MYO18B: variants seen among roughly 807,000 people sequenced by gnomAD.
MYO18B encodes the protein unconventional myosin-XVIIIb.
A neutral mutation model predicts 273.0 loss-of-function variants in MYO18B; 204 were observed. The ratio of observed to expected loss-of-function variants is 0.75; its 90% CI spans 0.67 to 0.84. The LOEUF is 0.84. Among genes scored for constraint, MYO18B ranks in the 40% least tolerant of loss-of-function variants. The probability of loss-of-function intolerance (pLI) is 0.00; values close to 1 mark genes in which losing one functional copy is unlikely to be tolerated. For synonymous variants in MYO18B, 1,330 were observed against 1,305.7 expected (o/e 1.02, Z -0.40); for missense variants, 3,212 against 3,287.6 (o/e 0.98, Z 0.56).
intron 39 of MYO18B, among the ~76,000 whole-genome samples, chr22:25,982,303 C>T (rs2093157098): frequency 6.6e-6 from 1 of 152,164 alleles, no homozygotes; most frequent in African/African-American, 2.4e-5. Flanking sequence ...GTGAGGCCTC[C>T]AGCCAGTAGC....
chr22:26,043,915 T>C, the MYO18B span, among the ~76,000 whole-genome samples: 2 of 152,180 alleles, frequency 1.3e-5, no homozygotes, highest in African/African-American at 4.8e-5. Flanking sequence ...CACACGCCAC[T>C]GCACCTGGCT....
chr22:25,783,718 C>T (rs2087258794), intron 10 of MYO18B, among the ~76,000 whole-genome samples: 2 of 152,330 alleles, frequency 1.3e-5, no homozygotes, highest in South Asian at 2.1e-4. Flanking sequence ...GGCCAGGGGC[C>T]CTCCATGCTG....
chr22:25,971,734 T>C (rs893161546), intron 39 of MYO18B, among the ~76,000 whole-genome samples: 1 of 152,230 alleles, frequency 6.6e-6, no homozygotes, highest in East Asian at 1.9e-4. Context: ...AAGATTCTGT[T>C]TATGCACTTT....
chr22:25,823,526 G>A lies in MYO18B; in HGVS notation c.2543G>A (p.Arg848Lys). 2 of 1,613,976 alleles carry A rather than the reference G, an allele frequency of 1.2e-6. No individual in the cohort carries two copies. Among genetic ancestry groups the A allele is most frequent in the Non-Finnish European group, 1.7e-6 (2 of 1,179,874 alleles). ...ACKVGRKQFMRFEWANYAAEA... is the reference protein window; with the variant it reads ...ACKVGRKQFMKFEWANYAAEA... ...GCAGTGGGTCGGAAGCAGTTCATGA[G>A]GTTTGAGTGGGCAAACTACGCAGCT... Residue 848 changes from arginine to lysine, a missense_variant, in exon 13 of 44, where the codon AGG (arginine) becomes AAG (lysine). Coordinates refer to ENST00000335473, the MANE Select transcript of MYO18B (RefSeq NM_032608.7).
At chr22:25,995,816 T>C (rs1403883713) in intron 40 of MYO18B, among the ~76,000 whole-genome samples, 4 of 152,218 alleles carry the variant, frequency 2.6e-5, no homozygotes, top group Non-Finnish European at 5.9e-5. Context: ...TTTCTCACTT[T>C]TCATGATCTT....
chr22:25,817,405 T>C (rs371433598), intron 12 of MYO18B, among the ~76,000 whole-genome samples: 5 of 134,540 alleles, frequency 3.7e-5, no homozygotes, highest in African/African-American at 1.1e-4. Context: ...CTTCCTTCCT[T>C]CCTCCCTCCC....
intron 33 of MYO18B, among the ~76,000 whole-genome samples, chr22:25,921,029 G>A (rs1006199471): frequency 6.6e-6 from 1 of 152,228 alleles, no homozygotes; most frequent in Non-Finnish European, 1.5e-5. Flanking sequence ...TCTGTGTCAA[G>A]CATTAGGCTA....
chr22:26,039,052 A>T, the MYO18B span, among the ~76,000 whole-genome samples: 2 of 152,210 alleles, frequency 1.3e-5, no homozygotes, highest in Non-Finnish European at 2.9e-5. Flanking sequence ...GTAAAGAAGC[A>T]TCAAGCAAGG....
At chr22:25,960,256 A>T (rs1365015389) in intron 39 of MYO18B, among the ~76,000 whole-genome samples, 1 of 152,104 alleles carries the variant, frequency 6.6e-6, no homozygotes, top group Non-Finnish European at 1.5e-5. Context: ...TCCCTTTGTC[A>T]TTAGAGCGAT....
At position 25,777,693 on chromosome 22, in the gene MYO18B, CT is replaced by C. The variant is rs758330609; in HGVS notation, c.1981del (p.Trp661GlyfsTer60). The C allele has an allele frequency of 1.9e-6, 3 of 1,613,010 alleles. No homozygotes were observed. The highest frequency in any genetic ancestry group is 2.2e-5 in the South Asian group (2 of 90,892). On this transcript the variant is annotated frameshift_variant, in exon 8 of 44. Transcript: ENST00000335473. LOFTEE classifies it high-confidence loss of function. The stretch of plus-strand genomic sequence containing the variant: ...GAGACCAGAGCATTGTGGCCCTGGG[CT>C]GGAGTGGCGCTGGGAAGACCACCTG... Reference protein sequence around the residue: ...RRDQSIVALGWSGAGKTTCCE... With the variant: ...RRDQSIVALGXSGAGKTTCCE...
chr22:25,874,869 A>G (rs1477633075), intron 23 of MYO18B, among the ~76,000 whole-genome samples: 1 of 152,212 alleles, frequency 6.6e-6, no homozygotes, highest in Non-Finnish European at 1.5e-5. Flanking sequence ...GGCTCTGGGA[A>G]CAAGTATTAT....
chr22:25,792,702 C>T (rs886756293), intron 11 of MYO18B, among the ~76,000 whole-genome samples: 24 of 151,796 alleles, frequency 1.6e-4, no homozygotes, highest in African/African-American at 5.6e-4. Context: ...ACCATTTTTG[C>T]CAGGATGGTT....
chr22:25,913,570 G>A (rs572750547), intron 33 of MYO18B, among the ~76,000 whole-genome samples: 56 of 152,248 alleles, frequency 3.7e-4, no homozygotes, highest in Admixed American at 8.5e-4. Flanking sequence ...CAGTTTCACC[G>A]TGTTAGCCAG....
chr22:25,843,621 G>C, intron 17 of MYO18B, 114 bp from the exon 18 acceptor site: 2 of 1,096,660 alleles, frequency 1.8e-6, no homozygotes, highest in Non-Finnish European at 2.5e-6. Context: ...TCGACCATGA[G>C]CGTTAGCTAT....
intron 39 of MYO18B, among the ~76,000 whole-genome samples, chr22:25,969,428 C>T (rs1371162478): frequency 6.6e-6 from 1 of 152,198 alleles, no homozygotes; most frequent in African/African-American, 2.4e-5. Flanking sequence ...GCTTGATAAC[C>T]TATGGTCAGA....
chr22:26,002,991 A>G (rs1934100763), intron 40 of MYO18B, among the ~76,000 whole-genome samples: 1 of 152,172 alleles, frequency 6.6e-6, no homozygotes, highest in Non-Finnish European at 1.5e-5. Context: ...AATGGTTGCT[A>G]CCACTTAATT....
chr22:25,960,411 C>T (rs563336669), intron 39 of MYO18B, among the ~76,000 whole-genome samples: 4 of 152,282 alleles, frequency 2.6e-5, no homozygotes, highest in East Asian at 1.9e-4. Context: ...GGCCTGACTT[C>T]GGCCTACCAG....
In MYO18B at chr22:25,769,933, A is replaced by G. The variant is rs147136750; in HGVS notation, c.1513-177A>G. ...GGTGCAGTGGTGTGATCTCGGCTCC[A>G]CCTCCCGGGTCCGCAACGGGAATCT... On this transcript the variant is annotated intron_variant, in intron 4 of 43. Transcript: ENST00000335473. The G allele has an allele frequency of 2.6e-3, 1,654 of 634,420 alleles. 37 individuals carry two copies. The East Asian group carries it at 0.04, about 15-fold the overall frequency. 39.3% of individuals were successfully genotyped at this position (634,420 alleles called of 1,614,324 possible).
intron 25 of MYO18B, among the ~76,000 whole-genome samples, chr22:25,885,817 A>G (rs1425377467): frequency 6.6e-6 from 1 of 152,182 alleles, no homozygotes; most frequent in Non-Finnish European, 1.5e-5. Context: ...AAAGGCCATA[A>G]CTGTCCCTTC....
Sources: gnomAD v4.1 joint callset for allele counts (sites outside exome capture counted in the v4.1 genomes callset) on GRCh38, gnomAD v4.1.1 for gene constraint, MANE v1.5 for transcripts, NCBI Gene and HGNC (gene_info 2026-07-23, HGNC 2026-07-21) for gene names.